UBAC2: variants seen among roughly 807,000 people sequenced by gnomAD.
UBAC2 encodes ubiquitin-associated domain-containing protein 2.
In UBAC2, 26 loss-of-function variants were observed where a neutral mutation model predicts 44.0. The ratio of observed to expected loss-of-function variants is 0.59; its 90% CI spans 0.43 to 0.82. UBAC2 has a LOEUF of 0.82. Ranked by LOEUF, UBAC2 falls within the 40% of genes least tolerant of loss-of-function variation. UBAC2 has a pLI of 0.00. For missense variants in UBAC2, 329 were observed against 419.4 expected (o/e 0.78, Z 1.88); for synonymous variants, 155 against 154.3 (o/e 1.00, Z -0.04).
At chr13:99,379,813 TATAG>T (rs1566530968) in intron 8 of UBAC2, among the ~76,000 whole-genome samples, 3 of 152,272 alleles carry the variant, frequency 2.0e-5, no homozygotes, top group African/African-American at 7.2e-5. Context: ...CTTTCTGTGC[TATAG>T]ATAAACATAA....
intron 6 of UBAC2, among the ~76,000 whole-genome samples, chr13:99,327,910 C>G (rs1037364246): frequency 1.3e-5 from 2 of 151,924 alleles, no homozygotes; most frequent in African/African-American, 4.8e-5. Context: ...GTTCGTTGAA[C>G]TTTGGTAGTT....
At chr13:99,262,740 A>AAAAAAAAAG (rs1436059757) in intron 4 of UBAC2, among the ~76,000 whole-genome samples, 2 of 141,470 alleles carry the variant, frequency 1.4e-5, no homozygotes, top group African/African-American at 2.7e-5. Flanking sequence ...AAAAAAAAAA[A>AAAAAAAAAG]GGACTTGTGG....
chr13:99,204,053 T>C (rs1176195507), intron 1 of UBAC2, among the ~76,000 whole-genome samples: 1 of 152,210 alleles, frequency 6.6e-6, no homozygotes, highest in Admixed American at 6.5e-5. Context: ...CGTTGAGTAA[T>C]ATGTGTATCA....
intron 1 of UBAC2, among the ~76,000 whole-genome samples, chr13:99,221,416 C>A (rs1292957519): frequency 1.3e-5 from 2 of 152,186 alleles, no homozygotes; most frequent in Non-Finnish European, 2.9e-5. Flanking sequence ...TTTGTTTGAA[C>A]CGTGGCACTA....
chr13:99,342,981 C>T (rs975388331), intron 7 of UBAC2, among the ~76,000 whole-genome samples: 9 of 152,206 alleles, frequency 5.9e-5, no homozygotes, highest in South Asian at 2.1e-4. Flanking sequence ...TGGCTGTTTT[C>T]CCCTCTGTCA....
At chr13:99,247,195 G>GTTT (rs397947831) in intron 4 of UBAC2, among the ~76,000 whole-genome samples, 8 of 95,376 alleles carry the variant, frequency 8.4e-5, no homozygotes, top group African/African-American at 1.4e-4. Context: ...GAAAACTACT[G>GTTT]TTTTTTTTTT....
rs1036353486 is a variant in UBAC2, at chr13:99,329,339, G to T, written c.562-10981G>T. 2.0e-5 allele frequency among the ~76,000 whole-genome samples: 3 copies of T among 152,328 alleles called. No homozygotes were observed. In the South Asian group the frequency reaches 6.2e-4, roughly 32 times the overall value. On this transcript the variant is annotated intron_variant, in intron 6 of 8. Transcript: ENST00000403766. ...ATTTCTTCAAAAAAAGGGGAAAAGA[G>T]TTAAGATTTTGCTTGTAATTGCGTT...
At chr13:99,374,625 C>G (rs2045456053) in intron 8 of UBAC2, among the ~76,000 whole-genome samples, 1 of 152,206 alleles carries the variant, frequency 6.6e-6, no homozygotes, top group African/African-American at 2.4e-5. Flanking sequence ...CTCAGGAATC[C>G]TTACCACTGT....
chr13:99,352,560 A>C (rs746948384), intron 7 of UBAC2, among the ~76,000 whole-genome samples: 1 of 152,172 alleles, frequency 6.6e-6, no homozygotes, highest in Non-Finnish European at 1.5e-5. Context: ...TATGTGTGCA[A>C]GTGCCACTCC....
intron 4 of UBAC2, chr13:99,254,868 C>A: frequency 1.3e-6 from 2 of 1,596,544 alleles, no homozygotes; most frequent in Admixed American, 1.7e-5. Context: ...AATGAAAGAA[C>A]CTTATTATTC....
At chr13:99,382,606 G>A (rs1823018521) in intron 8 of UBAC2, among the ~76,000 whole-genome samples, 1 of 152,158 alleles carries the variant, frequency 6.6e-6, no homozygotes, top group African/African-American at 2.4e-5. Flanking sequence ...GGGAGGGGAT[G>A]GGCTGAAAGG....
rs115754415 is a variant in UBAC2, at chr13:99,302,525, G to A, written c.390-11572G>A. ...AAGTATTTGTCAATTATTTGAAAACGCCTTCTTGTTCAAACAGGGGCATCT... is the reference window on the plus strand; with the variant it reads ...AAGTATTTGTCAATTATTTGAAAACACCTTCTTGTTCAAACAGGGGCATCT... On this transcript the variant is annotated intron_variant, in intron 4 of 8. Coordinates refer to ENST00000403766, the MANE Select transcript of UBAC2 (RefSeq NM_001144072.2). Among the ~76,000 whole-genome samples the A allele has an allele frequency of 4.5e-3, 683 of 152,274 alleles. 5 individuals are homozygous for A. The highest frequency in any genetic ancestry group is 0.015 in the African/African-American group (625 of 41,542).
intron 6 of UBAC2, among the ~76,000 whole-genome samples, chr13:99,337,003 A>T (rs2044798856): frequency 6.6e-6 from 1 of 150,522 alleles, no homozygotes; most frequent in Admixed American, 6.6e-5. Context: ...TAGCACACAT[A>T]GTCATCATCT....
At position 99,281,188 on chromosome 13, in the gene UBAC2, CAAAAAAAACA is replaced by C. The variant is rs377475694; in HGVS notation, c.390-32905_390-32896del. Reference sequence around the variant, plus strand: ...TGGGTGACAGAGCGAGACTCCATCTCAAAAAAAACAAAACAAAACAAAACAAAAAAAAACA... The same window carrying C: ...TGGGTGACAGAGCGAGACTCCATCTCAAACAAAACAAAACAAAAAAAAACA... On this transcript the variant is annotated intron_variant, in intron 4 of 8. Transcript: ENST00000403766. Among the ~76,000 whole-genome samples, 810 of 144,354 alleles carry C rather than the reference CAAAAAAAACA, an allele frequency of 5.6e-3. 10 individuals are homozygous for C. The highest frequency in any genetic ancestry group is 0.02 in the African/African-American group (759 of 38,914). The allele number at this position is 144,354 out of a possible 152,430, so 94.7% of individuals were successfully genotyped here. A position where few individuals can be genotyped will look rare whatever the true frequency, so the allele number is the denominator to read the frequency against.
chr13:99,359,606 C>T (rs996664030), intron 7 of UBAC2, among the ~76,000 whole-genome samples: 4 of 152,192 alleles, frequency 2.6e-5, no homozygotes, highest in South Asian at 2.1e-4. Flanking sequence ...GTCCCCTCCC[C>T]GCTTGGGGGC....
At chr13:99,269,561 T>G (rs1374109093) in intron 4 of UBAC2, among the ~76,000 whole-genome samples, 1 of 152,198 alleles carries the variant, frequency 6.6e-6, no homozygotes, top group East Asian at 1.9e-4. Flanking sequence ...CAGAAAGTCT[T>G]TATAAATACT....
intron 6 of UBAC2, among the ~76,000 whole-genome samples, chr13:99,331,800 T>C (rs922431427): frequency 6.6e-5 from 10 of 152,250 alleles, no homozygotes; most frequent in African/African-American, 1.2e-4. Flanking sequence ...AACATTTTCA[T>C]TGGAGAAGAA....
intron 2 of UBAC2, among the ~76,000 whole-genome samples, chr13:99,240,972 A>G (rs1480277671): frequency 6.6e-6 from 1 of 152,142 alleles, no homozygotes; most frequent in Non-Finnish European, 1.5e-5. Flanking sequence ...TTTCCTTAAG[A>G]CAGTTGGCTG....
chr13:99,348,462 A>G (rs2045027108), intron 7 of UBAC2, among the ~76,000 whole-genome samples: 1 of 152,218 alleles, frequency 6.6e-6, no homozygotes, highest in African/African-American at 2.4e-5. Context: ...GAAAAAACGC[A>G]CAGGGGCTCA....
Sources: gnomAD v4.1 joint callset for allele counts (sites outside exome capture counted in the v4.1 genomes callset) on GRCh38, gnomAD v4.1.1 for gene constraint, MANE v1.5 for transcripts, NCBI Gene and HGNC (gene_info 2026-07-23, HGNC 2026-07-21) for gene names.